Variants in NPIPB4 observed in about 807,000 individuals in gnomAD.
The protein encoded by NPIPB4 is nuclear pore complex interacting protein family member B4.
For synonymous variants in NPIPB4, 31 were observed against 194.1 expected, an observed-to-expected ratio of 0.16 and a Z score of 6.99; for missense variants, 105 against 513.7, an observed-to-expected ratio of 0.20 and a Z score of 7.69.
At chr16:21,850,583 A>G (rs1902431571) in intron 2 of NPIPB4, among the ~76,000 whole-genome samples, 1 of 143,496 alleles carries the variant, frequency 7.0e-6, no homozygotes, top group African/African-American at 2.7e-5. Context: ...GAGGCAGGAC[A>G]ATTGCTTGAA....
At chr16:21,850,380 C>T (rs1360425046) in intron 2 of NPIPB4, among the ~76,000 whole-genome samples, 17 of 150,420 alleles carry the variant, frequency 1.1e-4, no homozygotes, top group South Asian at 2.1e-4. Context: ...TGGCCAGGCG[C>T]GGTGGCTCAC....
chr16:21,850,575 G>A (rs1902430232), intron 2 of NPIPB4, among the ~76,000 whole-genome samples: 1 of 146,184 alleles, frequency 6.8e-6, no homozygotes, highest in Middle Eastern at 3.6e-3. Flanking sequence ...AGGAGGCTGA[G>A]GCAGGACAAT....
chr16:21,840,529 C>G lies in NPIPB4; in HGVS notation c.546-1219G>C, dbSNP rs565617794. On this transcript the variant is annotated intron_variant, in intron 5 of 7. Transcript: ENST00000682606. ...TGAAGGCTGTGATTCAAAGATTCCC[C>G]CCTGCAACCTTCCCACAAATGAACC... Among the ~76,000 whole-genome samples the G allele has an allele frequency of 6.5e-4, 98 of 150,686 alleles. 1 individual carries two copies. The highest frequency in any genetic ancestry group is 1.1e-3 in the Non-Finnish European group (73 of 67,790).
At chr16:21,850,670 TAAAAAAAAA>T (rs1222161652) in intron 2 of NPIPB4, among the ~76,000 whole-genome samples, 2 of 4,192 alleles carry the variant, frequency 4.8e-4, no homozygotes, top group Admixed American at 5.8e-3. Flanking sequence ...AGACTCTGTC[TAAAAAAAAA>T]AAAAAAAAAA....
chr16:21,841,974 A>G (rs1163465795), intron 5 of NPIPB4, among the ~76,000 whole-genome samples: 1 of 151,678 alleles, frequency 6.6e-6, no homozygotes, highest in Non-Finnish European at 1.5e-5. Flanking sequence ...GACAGGAAAT[A>G]CCCTGGCCTT....
chr16:21,850,141 A>G (rs1902368461), intron 2 of NPIPB4, among the ~76,000 whole-genome samples: 1 of 122,886 alleles, frequency 8.1e-6, no homozygotes. Context: ...CATGTCTGTA[A>G]TCCCAGCCAC....
Position 21,850,355 on chromosome 16 carries a change from T to A in NPIPB4, c.121-2814A>T, listed in dbSNP as rs1431204021. Reference sequence around the variant, plus strand: ...TTTCCAAAGTTAGTAAACTTACACTTAAGGTTATATATTTTGGCCAGGCGC... The same window carrying A: ...TTTCCAAAGTTAGTAAACTTACACTAAAGGTTATATATTTTGGCCAGGCGC... On this transcript the variant is annotated intron_variant, in intron 2 of 7. Coordinates refer to ENST00000682606, the MANE Select transcript of NPIPB4 (RefSeq NM_001384980.1). Among the ~76,000 whole-genome samples the A allele has an allele frequency of 6.7e-5, 10 of 149,632 alleles. No homozygotes were observed. In the South Asian group the frequency reaches 2.1e-3, roughly 32 times the overall value.
intron 5 of NPIPB4, among the ~76,000 whole-genome samples, chr16:21,843,091 C>A (rs1597913556): frequency 1.1e-5 from 1 of 88,042 alleles, no homozygotes; most frequent in Non-Finnish European, 2.2e-5. Context: ...CATTGCACTA[C>A]AGCCTGGGCA....
chr16:21,851,268 G>A (rs1597919733), intron 2 of NPIPB4: 1 of 241,510 alleles, frequency 4.1e-6, no homozygotes, highest in Non-Finnish European at 7.3e-6. Context: ...GGGAGGGGAG[G>A]GGGAGGGGAG....
At chr16:21,850,363 T>C (rs1343907845) in intron 2 of NPIPB4, among the ~76,000 whole-genome samples, 3 of 150,270 alleles carry the variant, frequency 2.0e-5, no homozygotes, top group East Asian at 4.0e-4. Context: ...CTTAAGGTTA[T>C]ATATTTTGGC....
rs777785156 is a variant in NPIPB4, at chr16:21,837,381, C to T, written c.1006G>A (p.Asp336Asn). Residue 336 changes from aspartate (D) to asparagine (N), a missense_variant, in exon 8 of 8, where the codon GAT (aspartate) becomes AAT (asparagine). Physicochemically the swap from Asp to Asn is conservative, Grantham distance 23. Coordinates refer to ENST00000682606, the MANE Select transcript of NPIPB4 (RefSeq NM_001384980.1). The part of the protein sequence containing the change: ...CLLTPLPPSA[D>N]DKLKTPPECL... The stretch of plus-strand genomic sequence containing the variant: ...TCGGGAGGTGTCTTGAGTTTATCAT[C>T]CGCTGAGGGTGGAAGGGGAGTGAGG... 1 of 1,369,268 alleles carries T rather than the reference C, an allele frequency of 7.3e-7. No individual in the cohort carries two copies. The highest frequency in any genetic ancestry group is 9.2e-7 in the Non-Finnish European group (1 of 1,088,298). 84.8% of individuals were successfully genotyped at this position (1,369,268 alleles called of 1,614,324 possible). A position where few individuals can be genotyped will look rare whatever the true frequency, so the allele number is the denominator to read the frequency against.
intron 5 of NPIPB4, among the ~76,000 whole-genome samples, chr16:21,840,311 A>G (rs1177514680): frequency 3.5e-5 from 2 of 56,910 alleles, no homozygotes; most frequent in Non-Finnish European, 7.7e-5. Flanking sequence ...GGTGGGGTAC[A>G]GTTTCTGAAC....
At chr16:21,849,438 C>A (rs1191630366) in intron 2 of NPIPB4, among the ~76,000 whole-genome samples, 2 of 46,458 alleles carry the variant, frequency 4.3e-5, no homozygotes, top group African/African-American at 1.7e-4. Flanking sequence ...CAGAGCGAGA[C>A]TCTGTCTCAA....
chr16:21,837,409 A>T lies in NPIPB4; in HGVS notation c.978T>A (p.Cys326Ter). 6.8e-7 allele frequency: 1 copy of T among 1,481,416 alleles called. No homozygotes were observed. Among genetic ancestry groups the T allele is most frequent in the Non-Finnish European group, 8.8e-7 (1 of 1,142,326 alleles). The allele number at this position is 1,481,416 out of a possible 1,614,324, so 91.8% of individuals were successfully genotyped here. Reference protein sequence around the residue: ...ADDNLKTPPECLLTPLPPSAD... With the variant: ...ADDNLKTPPE Reference sequence around the variant, plus strand: ...CTGAGGGTGGAAGGGGAGTGAGGAGACACTCAGGAGGTGTCTTGAGATTAT... The same window carrying T: ...CTGAGGGTGGAAGGGGAGTGAGGAGTCACTCAGGAGGTGTCTTGAGATTAT... The change falls in exon 8 of 8, where the codon TGT becomes TGA. Residue 326 changes from cysteine to a stop codon, truncating the protein, a stop_gained. Transcript: ENST00000682606. LOFTEE classifies it low-confidence loss of function (END_TRUNC).
At position 21,837,390 on chromosome 16, in the gene NPIPB4, G is replaced by T. The variant is rs1259990387; in HGVS notation, c.997C>A (p.Pro333Thr). 2 of 1,458,672 alleles carry T rather than the reference G, an allele frequency of 1.4e-6. No individual in the cohort carries two copies. The highest frequency in any genetic ancestry group is 2.9e-5 in the African/African-American group (1 of 34,930). The allele number at this position is 1,458,672 out of a possible 1,614,324, so 90.4% of individuals were successfully genotyped here. A position where few individuals can be genotyped will look rare whatever the true frequency, so the allele number is the denominator to read the frequency against. ...PPECLLTPLP[P>T]SADDKLKTPP... Reference sequence around the variant, plus strand: ...GTCTTGAGTTTATCATCCGCTGAGGGTGGAAGGGGAGTGAGGAGACACTCA... The same window carrying T: ...GTCTTGAGTTTATCATCCGCTGAGGTTGGAAGGGGAGTGAGGAGACACTCA... Residue 333 changes from proline (P) to threonine (T), a missense_variant, in exon 8 of 8, where the codon CCC becomes ACC. Transcript: ENST00000682606.
chr16:21,849,910 A>T (rs1368482655), intron 2 of NPIPB4, among the ~76,000 whole-genome samples: 42 of 17,282 alleles, frequency 2.4e-3, no homozygotes, highest in Admixed American at 0.023. Flanking sequence ...AAGCTAACCT[A>T]TGATAAGAAA....
chr16:21,837,318 A>C lies in NPIPB4; in HGVS notation c.1069T>G (p.Ser357Ala). 8.5e-6 allele frequency: 11 copies of C among 1,289,164 alleles called. 3 individuals carry two copies. Among genetic ancestry groups the C allele is most frequent in the Non-Finnish European group, 1.1e-5 (11 of 1,030,798 alleles). 79.9% of individuals were successfully genotyped at this position (1,289,164 alleles called of 1,614,324 possible). A position where few individuals can be genotyped will look rare whatever the true frequency, so the allele number is the denominator to read the frequency against. ...LTPLPPSALPSAPPSADDNLK... is the reference protein window; with the variant it reads ...LTPLPPSALPAAPPSADDNLK... ...TTATCATCCGCTGAGGGTGGAGCTG[A>C]GGGTAGAGCTGAGGGTGGAAGGGGA... Residue 357 changes from serine to alanine, a missense_variant, in exon 8 of 8, where the codon TCA becomes GCA. Transcript: ENST00000682606.
intron 2 of NPIPB4, among the ~76,000 whole-genome samples, chr16:21,850,520 A>G (rs1173839962): frequency 1.3e-5 from 2 of 151,596 alleles, no homozygotes; most frequent in Non-Finnish European, 2.9e-5. Context: ...GTGGTGGTCT[A>G]CTAAAAATAC....
intron 5 of NPIPB4, among the ~76,000 whole-genome samples, chr16:21,841,411 CA>C (rs1221401721): frequency 1.4e-4 from 18 of 125,702 alleles, no homozygotes; most frequent in African/African-American, 5.3e-4. Context: ...TGGCCTCAAA[CA>C]AGGAGTGTGT....
Sources: gnomAD v4.1 joint callset for allele counts (sites outside exome capture counted in the v4.1 genomes callset) on GRCh38, gnomAD v4.1.1 for gene constraint, MANE v1.5 for transcripts, NCBI Gene and HGNC (gene_info 2026-07-23, HGNC 2026-07-21) for gene names.